Variants in GNG4 observed in about 807,000 individuals in gnomAD.
GNG4 encodes guanine nucleotide-binding protein G(I)/G(S)/G(O) subunit gamma-4.
Under a neutral mutation model 5.8 loss-of-function variants are expected in GNG4, and 4 were observed. The ratio of observed to expected loss-of-function variants is 0.69; its 90% CI spans 0.34 to 1.57. The LOEUF (loss-of-function observed/expected upper bound fraction) is 1.57, where lower values mean the gene tolerates loss of function less well. GNG4 is among the 40% of genes most tolerant of loss of function. GNG4 has a pLI of 0.06. For missense variants in GNG4, 96 were observed against 95.1 expected (o/e 1.01, Z -0.04); for synonymous variants, 29 against 32.9 (o/e 0.88, Z 0.41).
chr1:235,568,168 T>TTA (rs35709787), intron 3 of GNG4, among the ~76,000 whole-genome samples: 23,532 of 150,618 alleles, frequency 0.16, 3,220 homozygotes, highest in African/African-American at 0.37. Context: ...TTTTTTTTTT[T>TTA]AAACCTATGA....
At chr1:235,562,583 T>C (rs1457269093) in intron 3 of GNG4, among the ~76,000 whole-genome samples, 2 of 142,472 alleles carry the variant, frequency 1.4e-5, no homozygotes. Context: ...AGGCAGAGGT[T>C]GCAGAGAGCC....
intron 3 of GNG4, among the ~76,000 whole-genome samples, chr1:235,569,464 A>AG (rs764224222): frequency 1.6e-3 from 236 of 151,714 alleles, no homozygotes; most frequent in Non-Finnish European, 3.0e-3. Flanking sequence ...TCTCAAAAAA[A>AG]AAAAAAGAAT....
chr1:235,645,388 C>T (rs1440971925), intron 1 of GNG4, among the ~76,000 whole-genome samples: 1 of 152,216 alleles, frequency 6.6e-6, no homozygotes, highest in Admixed American at 6.5e-5. Context: ...CTAGAAATCT[C>T]TCAATTTTAC....
At chr1:235,562,457 G>A (rs1477333980) in intron 3 of GNG4, among the ~76,000 whole-genome samples, 1 of 151,850 alleles carries the variant, frequency 6.6e-6, no homozygotes, top group Non-Finnish European at 1.5e-5. Flanking sequence ...GACCAGCCTG[G>A]CCAATATGGC....
intron 1 of GNG4, among the ~76,000 whole-genome samples, chr1:235,619,900 T>G (rs1688670710): frequency 6.6e-6 from 1 of 152,218 alleles, no homozygotes; most frequent in African/African-American, 2.4e-5. Flanking sequence ...GAGAAGAAAG[T>G]ACTAAGTTAG....
chr1:235,603,200 G>A (rs1240355265), intron 1 of GNG4, among the ~76,000 whole-genome samples: 1 of 151,676 alleles, frequency 6.6e-6, no homozygotes, highest in Non-Finnish European at 1.5e-5. Context: ...CAGAGATCGC[G>A]CCACTTGCAC....
chr1:235,600,100 C>CTTTTTTTTTTT lies in GNG4; in HGVS notation c.-122-4600_-122-4590dup, dbSNP rs533853180. Among the ~76,000 whole-genome samples the CTTTTTTTTTTT allele has an allele frequency of 9.2e-3, 398 of 43,134 alleles. 99 individuals carry two copies. Among genetic ancestry groups the CTTTTTTTTTTT allele is most frequent in the Middle Eastern group, 0.067 (2 of 30 alleles). 28.3% of individuals were successfully genotyped at this position (43,134 alleles called of 152,430 possible). A position where few individuals can be genotyped will look rare whatever the true frequency, so the allele number is the denominator to read the frequency against. ...TCCTTTATCTGGTTGCGGAAGAAAG[C>CTTTTTTTTTTT]TTTTTTTTTTTTTTTTTTTTTTTTT... On this transcript the variant is annotated intron_variant, in intron 1 of 3. Coordinates refer to ENST00000391854, the MANE Select transcript of GNG4 (RefSeq NM_001098722.2).
In GNG4 at chr1:235,648,472, G is replaced by A. The variant is rs1657570012; in HGVS notation, c.-123+1190C>T. ...TGTCCCCCCAGTCGCCTCTTGCAGG[G>A]AACAGGGCCAGATCAGATGGCGGCT... is the stretch of plus-strand genomic sequence containing the variant. On this transcript the variant is annotated intron_variant, in intron 1 of 3. Transcript: ENST00000391854. The surrounding 1 kb of genome is among the most constrained non-coding windows in gnomAD (Gnocchi z 5.0). Among the ~76,000 whole-genome samples, 1 of 152,196 alleles carries A rather than the reference G, an allele frequency of 6.6e-6. No homozygotes were observed. Among genetic ancestry groups the A allele is most frequent in the South Asian group, 2.1e-4 (1 of 4,830 alleles).
intron 1 of GNG4, among the ~76,000 whole-genome samples, chr1:235,640,724 C>A (rs1192537227): frequency 6.6e-6 from 1 of 152,232 alleles, no homozygotes; most frequent in African/African-American, 2.4e-5. Context: ...ACCTGAGGGT[C>A]TCTGATCCAG....
At chr1:235,617,495 T>C (rs992436051) in intron 1 of GNG4, among the ~76,000 whole-genome samples, 1 of 152,200 alleles carries the variant, frequency 6.6e-6, no homozygotes, top group African/African-American at 2.4e-5. Flanking sequence ...GGACCTCCTC[T>C]TTCAGGTCAA....
At chr1:235,568,596 T>G (rs1434934625) in intron 3 of GNG4, among the ~76,000 whole-genome samples, 2 of 152,130 alleles carry the variant, frequency 1.3e-5, no homozygotes, top group Non-Finnish European at 2.9e-5. Flanking sequence ...AATGGCCACT[T>G]GGTTGGGTAG....
intron 3 of GNG4, among the ~76,000 whole-genome samples, chr1:235,580,223 G>A (rs1311382642): frequency 6.6e-6 from 1 of 152,236 alleles, no homozygotes; most frequent in African/African-American, 2.4e-5. Context: ...CAGATTCACA[G>A]AGGAAAAAGG....
chr1:235,590,966 G>C (rs1297055693), intron 2 of GNG4, among the ~76,000 whole-genome samples: 1 of 152,168 alleles, frequency 6.6e-6, no homozygotes, highest in East Asian at 1.9e-4. Context: ...TGCAGATTTT[G>C]ATCGAGTGGC....
chr1:235,637,892 C>A (rs905342684), intron 1 of GNG4, among the ~76,000 whole-genome samples: 3 of 152,190 alleles, frequency 2.0e-5, no homozygotes, highest in Admixed American at 6.5e-5. Context: ...GTGCACTGGG[C>A]CCAAGGAGCT....
chr1:235,634,118 T>G (rs1688983933), intron 1 of GNG4, among the ~76,000 whole-genome samples: 1 of 152,094 alleles, frequency 6.6e-6, no homozygotes, highest in South Asian at 2.1e-4. Context: ...GGGTGAGGGA[T>G]CAGCTAGTCT....
chr1:235,551,003 ATT>A lies in GNG4; in HGVS notation c.*1104_*1105del, dbSNP rs1446475977. ...TGCTGTGTCCAGAACAGGTCCTTAT[ATT>A]ACTGCAGCCCACAATGGAACTACTG... On this transcript the variant is annotated 3_prime_UTR_variant, in exon 4 of 4. Coordinates refer to ENST00000391854, the MANE Select transcript of GNG4 (RefSeq NM_001098722.2). The A allele has an allele frequency of 6.6e-6, 1 of 152,216 alleles. No homozygotes were observed. Among genetic ancestry groups the A allele is most frequent in the Non-Finnish European group, 1.5e-5 (1 of 68,092 alleles). 9.4% of individuals were successfully genotyped at this position (152,216 alleles called of 1,614,324 possible).
At chr1:235,620,757 G>T (rs1366390355) in intron 1 of GNG4, among the ~76,000 whole-genome samples, 1 of 152,294 alleles carries the variant, frequency 6.6e-6, no homozygotes, top group African/African-American at 2.4e-5. Flanking sequence ...GGAAGGTCTA[G>T]ATCTCCTGAC....
rs1296124715 is a variant in GNG4 at position 235,597,592 on chromosome 1, G to C, written c.-122-2081C>G. On this transcript the variant is annotated intron_variant, in intron 1 of 3. Coordinates refer to ENST00000391854, the MANE Select transcript of GNG4 (RefSeq NM_001098722.2). Reference sequence around the variant, plus strand: ...TTTTTTTTTTTAACTTGTTTGCTGTGTGTGTGTGTGTGTGTGTGTGTGTGT... The same window carrying C: ...TTTTTTTTTTTAACTTGTTTGCTGTCTGTGTGTGTGTGTGTGTGTGTGTGT... 8.5e-3 allele frequency among the ~76,000 whole-genome samples: 568 copies of C among 66,748 alleles called. 20 individuals are homozygous for C. The highest frequency in any genetic ancestry group is 0.019 in the African/African-American group (336 of 17,894). The allele number at this position is 66,748 out of a possible 152,430, so 43.8% of individuals were successfully genotyped here.
At chr1:235,618,725 G>A (rs1267416672) in intron 1 of GNG4, among the ~76,000 whole-genome samples, 2 of 150,456 alleles carry the variant, frequency 1.3e-5, no homozygotes, top group South Asian at 2.1e-4. Context: ...GCGTGATCTC[G>A]GCTCACTGCA....
Sources: allele counts gnomAD v4.1 joint callset (sites outside exome capture counted in the v4.1 genomes callset), GRCh38; gene constraint gnomAD v4.1.1; non-coding constraint Gnocchi (gnomAD v3.1); transcripts MANE v1.5; gene names NCBI Gene and HGNC (gene_info 2026-07-23, HGNC 2026-07-21).